Variants in ROBO1 observed in about 807,000 individuals in gnomAD.
The protein encoded by ROBO1 is roundabout guidance receptor 1.
In ROBO1, 149 loss-of-function variants were observed where a neutral mutation model predicts 195.9. The observed-to-expected ratio is 0.76, with a 90% CI of 0.67 to 0.87. ROBO1 has a LOEUF of 0.87. Among genes scored for constraint, ROBO1 ranks in the 40% least tolerant of loss-of-function variants. ROBO1 has a pLI of 0.00. For synonymous variants in ROBO1, 816 were observed against 733.2 expected (o/e 1.11, Z -1.82); for missense variants, 1,933 against 2,068.3 (o/e 0.93, Z 1.27).
intron 3 of ROBO1, among the ~76,000 whole-genome samples, chr3:79,073,818 A>G (rs1219573037): frequency 2.0e-5 from 3 of 151,552 alleles, no homozygotes; most frequent in Non-Finnish European, 2.9e-5. Context: ...TGAATGTGAC[A>G]GTATGTTTGC....
chr3:79,514,964 G>C (rs1240321425), intron 2 of ROBO1, among the ~76,000 whole-genome samples: 1 of 152,152 alleles, frequency 6.6e-6, no homozygotes. Context: ...TCCCATTTTA[G>C]AGAAATGTTT....
intron 4 of ROBO1, among the ~76,000 whole-genome samples, chr3:78,917,633 A>G (rs2038690643): frequency 6.6e-6 from 1 of 152,230 alleles, no homozygotes; most frequent in Admixed American, 6.5e-5. Flanking sequence ...GGCATACTTA[A>G]GAAAGAACTA....
At chr3:79,098,863 T>C (rs1010480878) in intron 3 of ROBO1, among the ~76,000 whole-genome samples, 1 of 151,798 alleles carries the variant, frequency 6.6e-6, no homozygotes, top group Admixed American at 6.6e-5. Context: ...GACAGATGAA[T>C]GAAGATGAAC....
chr3:79,290,206 A>G (rs1265960316), intron 2 of ROBO1, among the ~76,000 whole-genome samples: 2 of 151,626 alleles, frequency 1.3e-5, no homozygotes, highest in African/African-American at 4.8e-5. Flanking sequence ...GCTAATTTTT[A>G]TCTTTTTAGT....
intron 4 of ROBO1, among the ~76,000 whole-genome samples, chr3:78,863,619 C>T (rs1362706404): frequency 6.6e-6 from 1 of 152,160 alleles, no homozygotes; most frequent in Non-Finnish European, 1.5e-5. Context: ...TTTATAGTTT[C>T]TTCATTTCAG....
rs921323400 is a variant in ROBO1 at position 78,973,548 on chromosome 3, T to C, written c.173-34621A>G. ...GCTATATATAATATATATAAGAATA[T>C]ATATAAGAAGCTATACATATATGAA... On this transcript the variant is annotated intron_variant, in intron 3 of 30. Coordinates refer to ENST00000464233, the MANE Select transcript of ROBO1 (RefSeq NM_002941.4). Among the ~76,000 whole-genome samples, 13 of 141,480 alleles carry C rather than the reference T, an allele frequency of 9.2e-5. No homozygotes were observed. In the South Asian group the frequency reaches 2.6e-3, roughly 28 times the overall value. 92.8% of individuals were successfully genotyped at this position (141,480 alleles called of 152,430 possible).
At chr3:79,476,303 G>C (rs1938543150) in intron 2 of ROBO1, among the ~76,000 whole-genome samples, 1 of 152,040 alleles carries the variant, frequency 6.6e-6, no homozygotes, top group Non-Finnish European at 1.5e-5. Flanking sequence ...ATGAAAACTA[G>C]TACAACCATT....
intron 1 of ROBO1, among the ~76,000 whole-genome samples, chr3:79,678,926 C>T (rs1370178056): frequency 1.3e-5 from 2 of 151,964 alleles, no homozygotes; most frequent in African/African-American, 4.8e-5. Context: ...TTATAAAACA[C>T]TTAAAGTGTC....
intron 2 of ROBO1, among the ~76,000 whole-genome samples, chr3:79,522,406 G>C (rs1009030584): frequency 1.3e-5 from 2 of 150,410 alleles, no homozygotes; most frequent in African/African-American, 4.9e-5. Context: ...CTTTCAAGAA[G>C]TGATTGAGAG....
intron 2 of ROBO1, among the ~76,000 whole-genome samples, chr3:79,403,228 G>C (rs2037429506): frequency 6.6e-6 from 1 of 151,744 alleles, no homozygotes; most frequent in African/African-American, 2.4e-5. Flanking sequence ...TGATAAAAAT[G>C]AGAGATGAAC....
At chr3:79,127,257 G>GT (rs1372753869) in intron 2 of ROBO1, among the ~76,000 whole-genome samples, 1 of 152,136 alleles carries the variant, frequency 6.6e-6, no homozygotes, top group African/African-American at 2.4e-5. Context: ...ATTTTTGTGT[G>GT]TTTTGAGGCA....
chr3:79,659,770 A>T (rs1338756913), intron 1 of ROBO1, among the ~76,000 whole-genome samples: 1 of 152,068 alleles, frequency 6.6e-6, no homozygotes, highest in Non-Finnish European at 1.5e-5. Context: ...AGTTGACATC[A>T]TCTAGCCCCC....
chr3:78,626,158 A>C (rs537323635), intron 26 of ROBO1, among the ~76,000 whole-genome samples: 27 of 152,288 alleles, frequency 1.8e-4, no homozygotes, highest in African/African-American at 5.8e-4. Flanking sequence ...CAATGCTTAG[A>C]TATTTCAGAG....
chr3:78,798,959 A>T (rs538206581), intron 4 of ROBO1, among the ~76,000 whole-genome samples: 10 of 152,310 alleles, frequency 6.6e-5, no homozygotes, highest in African/African-American at 1.9e-4. Flanking sequence ...AAATTACAAA[A>T]CAAAGCATGC....
intron 2 of ROBO1, among the ~76,000 whole-genome samples, chr3:79,458,323 T>C (rs1220176532): frequency 6.6e-6 from 1 of 152,102 alleles, no homozygotes; most frequent in Non-Finnish European, 1.5e-5. Context: ...GGCAGAAATG[T>C]TTGCCAAACA....
At chr3:79,366,637 G>T (rs1204725476) in intron 2 of ROBO1, among the ~76,000 whole-genome samples, 3 of 152,048 alleles carry the variant, frequency 2.0e-5, no homozygotes, top group Non-Finnish European at 4.4e-5. Context: ...GCACTTGGCC[G>T]GCACAACACA....
chr3:79,166,560 C>CTTTTTTTTTTTT (rs968334923), intron 2 of ROBO1, among the ~76,000 whole-genome samples: 8 of 135,110 alleles, frequency 5.9e-5, no homozygotes, highest in African/African-American at 1.1e-4. Context: ...TTCTATTTTT[C>CTTTTTTTTTTTT]TTTTTTTTTT....
chr3:78,628,422 CACA>C (rs1276104281), intron 25 of ROBO1, among the ~76,000 whole-genome samples: 2 of 152,004 alleles, frequency 1.3e-5, no homozygotes, highest in East Asian at 1.9e-4. Flanking sequence ...GAGTGAAAAA[CACA>C]ACACCATTCA....
At chr3:79,508,914 T>C (rs774471176) in intron 2 of ROBO1, among the ~76,000 whole-genome samples, 12 of 152,170 alleles carry the variant, frequency 7.9e-5, no homozygotes, top group Non-Finnish European at 1.6e-4. Flanking sequence ...ATGTATTTCA[T>C]TTAAGATACA....
Sources: allele counts gnomAD v4.1 joint callset (sites outside exome capture counted in the v4.1 genomes callset), GRCh38; gene constraint gnomAD v4.1.1; transcripts MANE v1.5; gene names NCBI Gene and HGNC (gene_info 2026-07-23, HGNC 2026-07-21).